The following BNC2 variants were observed in gnomAD, a reference collection of about 807,000 sequenced individuals.
BNC2 encodes basonuclin zinc finger protein 2.
A neutral mutation model predicts 76.3 loss-of-function variants in BNC2; 20 were observed. That is an observed-to-expected ratio of 0.26 (90% CI 0.18 to 0.38). The LOEUF is 0.38. BNC2 is among the 10% of genes least tolerant of loss of function. The pLI is 1.00. For missense variants in BNC2, 1,382 were observed against 1,399.8 expected (o/e 0.99, Z 0.20); for synonymous variants, 582 against 514.8 (o/e 1.13, Z -1.77).
intron 3 of BNC2, among the ~76,000 whole-genome samples, chr9:16,636,054 C>A (rs1395928560): frequency 1.3e-5 from 2 of 152,122 alleles, no homozygotes; most frequent in East Asian, 3.9e-4. Flanking sequence ...AAAATCTGCA[C>A]AAAGCATATG....
At chr9:16,636,759 T>C (rs1292160164) in intron 3 of BNC2, among the ~76,000 whole-genome samples, 1 of 152,206 alleles carries the variant, frequency 6.6e-6, no homozygotes, top group East Asian at 1.9e-4. Flanking sequence ...TTCTTCCTTT[T>C]TTAGCCAAGC....
intron 4 of BNC2, among the ~76,000 whole-genome samples, chr9:16,562,492 A>AT (rs1321249332): frequency 6.6e-6 from 1 of 152,226 alleles, no homozygotes; most frequent in African/African-American, 2.4e-5. Flanking sequence ...AACTATGTTT[A>AT]TCATTTAGTA....
chr9:16,524,494 T>A (rs879140301), intron 5 of BNC2, among the ~76,000 whole-genome samples: 1 of 151,956 alleles, frequency 6.6e-6, no homozygotes, highest in Non-Finnish European at 1.5e-5. Flanking sequence ...CATTTCCTGT[T>A]TTTTTTTGGG....
intron 3 of BNC2, among the ~76,000 whole-genome samples, chr9:16,696,885 G>C (rs143606512): frequency 4.1e-4 from 63 of 152,272 alleles, no homozygotes; most frequent in African/African-American, 1.4e-3. Context: ...GTATAATTTA[G>C]CCTATTAAGG....
At chr9:16,744,749 A>C (rs1824950755) in intron 1 of BNC2, among the ~76,000 whole-genome samples, 1 of 152,208 alleles carries the variant, frequency 6.6e-6, no homozygotes, top group African/African-American at 2.4e-5. Flanking sequence ...TGGCAAGGAG[A>C]AATATAAACT....
chr9:16,583,992 A>G (rs1587200331), intron 3 of BNC2, among the ~76,000 whole-genome samples: 1 of 152,262 alleles, frequency 6.6e-6, no homozygotes, highest in African/African-American at 2.4e-5. Context: ...GTTTAAGAAT[A>G]GTGCTAAAGC....
At chr9:16,589,351 A>G (rs1819859416) in intron 3 of BNC2, among the ~76,000 whole-genome samples, 1 of 151,454 alleles carries the variant, frequency 6.6e-6, no homozygotes, top group African/African-American at 2.4e-5. Flanking sequence ...ACTTCTGGCT[A>G]ATTTTTGTAT....
At chr9:16,636,590 G>A (rs572150514) in intron 3 of BNC2, among the ~76,000 whole-genome samples, 54 of 152,060 alleles carry the variant, frequency 3.6e-4, no homozygotes, top group Admixed American at 5.9e-4. Flanking sequence ...GGTGTGAGCC[G>A]CCACACCCAG....
rs139449700 is a variant in BNC2 at position 16,854,470 on chromosome 9, C to G, written c.3+16176G>C. On this transcript the variant is annotated intron_variant, in intron 1 of 6. Transcript: ENST00000380672. ...CCTGTATATAAAGTCAATTTCAGAT[C>G]AAGATATTTCTCTATAAGGCATTTA... is the stretch of plus-strand genomic sequence containing the variant. Among the ~76,000 whole-genome samples the G allele has an allele frequency of 7.2e-5, 11 of 152,272 alleles. No individual in the cohort carries two copies. The East Asian group carries it at 1.9e-3, about 27-fold the overall frequency.
intron 3 of BNC2, among the ~76,000 whole-genome samples, chr9:16,705,488 C>G (rs536413619): frequency 6.6e-6 from 1 of 152,276 alleles, no homozygotes; most frequent in East Asian, 1.9e-4. Flanking sequence ...ATGTGTCACC[C>G]TGGAATTTCT....
At position 16,417,984 on chromosome 9, in the gene BNC2, CT is replaced by C. The variant is rs1293646796; in HGVS notation, c.*1004del. On this transcript the variant is annotated 3_prime_UTR_variant, in exon 7 of 7. Transcript: ENST00000380672. Reference sequence around the variant, plus strand: ...CTAATTGTATTTTCTTTTCTGGAAACTTGTGCAAAGTTGGCAGTTTTGTGTT... The same window carrying C: ...CTAATTGTATTTTCTTTTCTGGAAACTGTGCAAAGTTGGCAGTTTTGTGTT... 1 of 152,588 alleles carries C rather than the reference CT, an allele frequency of 6.6e-6. No individual in the cohort carries two copies. The highest frequency in any genetic ancestry group is 2.4e-5 in the African/African-American group (1 of 41,444). 9.5% of individuals were successfully genotyped at this position (152,588 alleles called of 1,614,324 possible). A position where few individuals can be genotyped will look rare whatever the true frequency, so the allele number is the denominator to read the frequency against.
intron 1 of BNC2, among the ~76,000 whole-genome samples, chr9:16,765,778 C>A (rs1164771203): frequency 6.9e-6 from 1 of 144,942 alleles, no homozygotes; most frequent in African/African-American, 2.6e-5. Flanking sequence ...AGGGCACTCT[C>A]GTAATTTTTT....
rs575322591 is a variant in BNC2 at position 16,727,523 on chromosome 9, G to A, written c.330+274C>T. ...AAAGAAATAAATTAAGTCTTCCCCT[G>A]ACCCAGATTGTACTGTGAAACTTTT... On this transcript the variant is annotated intron_variant, in intron 3 of 6. Transcript: ENST00000380672. 2.8e-5 allele frequency: 12 copies of A among 424,842 alleles called. No individual in the cohort carries two copies. The East Asian group carries it at 4.5e-4, about 16-fold the overall frequency. 26.3% of individuals were successfully genotyped at this position (424,842 alleles called of 1,614,324 possible). A position where few individuals can be genotyped will look rare whatever the true frequency, so the allele number is the denominator to read the frequency against.
intron 2 of BNC2, chr9:16,728,323 G>A (rs1824410817): frequency 2.4e-6 from 1 of 417,942 alleles, no homozygotes; most frequent in African/African-American, 2.0e-5. Context: ...CTGTTCCACT[G>A]TCAGGCACCA....
At chr9:16,516,967 T>C (rs1379800808) in intron 5 of BNC2, among the ~76,000 whole-genome samples, 2 of 152,188 alleles carry the variant, frequency 1.3e-5, no homozygotes, top group Non-Finnish European at 2.9e-5. Context: ...AACCAATGTT[T>C]AAGAAATCAC....
intron 5 of BNC2, among the ~76,000 whole-genome samples, chr9:16,476,402 G>A (rs1333992583): frequency 6.6e-6 from 1 of 152,018 alleles, no homozygotes; most frequent in Non-Finnish European, 1.5e-5. Context: ...AGTTCTTTCA[G>A]CAGGCCATGC....
chr9:16,785,751 G>A (rs1431463347), intron 1 of BNC2, among the ~76,000 whole-genome samples: 1 of 149,268 alleles, frequency 6.7e-6, no homozygotes, highest in African/African-American at 2.5e-5. Flanking sequence ...GTAAATCAGT[G>A]AACCAAGCTT....
chr9:16,500,935 T>C (rs1822504153), intron 5 of BNC2, among the ~76,000 whole-genome samples: 1 of 152,178 alleles, frequency 6.6e-6, no homozygotes, highest in South Asian at 2.1e-4. Flanking sequence ...CAGTGGTGTG[T>C]CTTCTAGTAT....
At chr9:16,456,573 G>A (rs958534753) in intron 5 of BNC2, among the ~76,000 whole-genome samples, 8 of 150,738 alleles carry the variant, frequency 5.3e-5, no homozygotes, top group Admixed American at 2.6e-4. Flanking sequence ...CAGGCCAAGA[G>A]CAGCAGGTAA....
Sources: gnomAD v4.1 joint callset for allele counts (sites outside exome capture counted in the v4.1 genomes callset) on GRCh38, gnomAD v4.1.1 for gene constraint, MANE v1.5 for transcripts, NCBI Gene and HGNC (gene_info 2026-07-23, HGNC 2026-07-21) for gene names.